Variants in UNC79 observed in about 807,000 individuals in gnomAD.
The protein encoded by UNC79 is protein unc-79 homolog.
Under a neutral mutation model 283.1 loss-of-function variants are expected in UNC79, and 37 were observed. The observed-to-expected ratio is 0.13, with a 90% CI of 0.10 to 0.17. The LOEUF is 0.17. Among genes scored for constraint, UNC79 ranks in the 10% least tolerant of loss-of-function variants. The pLI, the probability that UNC79 is intolerant of heterozygous loss-of-function variation, is 1.00. For synonymous variants in UNC79, 1,107 were observed against 1,200.2 expected (o/e 0.92, Z 1.61); for missense variants, 2,272 against 3,211.1 (o/e 0.71, Z 7.07).
At chr14:93,692,701 G>T (rs1187609778) in intron 46 of UNC79, among the ~76,000 whole-genome samples, 1 of 152,198 alleles carries the variant, frequency 6.6e-6, no homozygotes, top group Non-Finnish European at 1.5e-5. Flanking sequence ...ACCAAGAAAG[G>T]GGCTGTTCCA....
intron 4 of UNC79, among the ~76,000 whole-genome samples, chr14:93,481,858 A>G (rs2058162875): frequency 6.6e-6 from 1 of 152,208 alleles, no homozygotes; most frequent in African/African-American, 2.4e-5. Flanking sequence ...TTCCCTATAT[A>G]CTTTGAGAGT....
intron 26 of UNC79, among the ~76,000 whole-genome samples, chr14:93,606,044 C>T (rs978746924): frequency 2.0e-5 from 3 of 152,104 alleles, no homozygotes; most frequent in African/African-American, 2.4e-5. Flanking sequence ...TGCAGTTCCC[C>T]TTCAGTGAGG....
At chr14:93,558,983 G>C (rs1191157370) in intron 14 of UNC79, among the ~76,000 whole-genome samples, 1 of 152,156 alleles carries the variant, frequency 6.6e-6, no homozygotes, top group Non-Finnish European at 1.5e-5. Flanking sequence ...CTGGACCCAT[G>C]TGCTGCCAAT....
intron 1 of UNC79, among the ~76,000 whole-genome samples, chr14:93,463,217 A>G (rs1307227931): frequency 6.6e-6 from 1 of 152,156 alleles, no homozygotes; most frequent in Non-Finnish European, 1.5e-5. Context: ...ACTGTACAGA[A>G]TGCTCTGAAA....
intron 35 of UNC79, among the ~76,000 whole-genome samples, chr14:93,652,194 A>G (rs1200166371): frequency 6.6e-6 from 1 of 152,162 alleles, no homozygotes; most frequent in Non-Finnish European, 1.5e-5. Context: ...TAATCGCAGT[A>G]GCTATAGGTT....
chr14:93,439,776 T>C (rs959635985), intron 1 of UNC79, among the ~76,000 whole-genome samples: 41 of 152,306 alleles, frequency 2.7e-4, no homozygotes, highest in African/African-American at 9.6e-4. Context: ...ATTTGTTGTA[T>C]GACACTTGTT....
At chr14:93,573,444 C>T (rs944731046) in intron 16 of UNC79, among the ~76,000 whole-genome samples, 1 of 152,134 alleles carries the variant, frequency 6.6e-6, no homozygotes, top group Admixed American at 6.5e-5. Flanking sequence ...CCTCTTCATC[C>T]TCTCCTCCTA....
chr14:93,651,912 ATTTTTTTTTTTTTTTT>A (rs71129653), intron 35 of UNC79, among the ~76,000 whole-genome samples: 1 of 46,602 alleles, frequency 2.1e-5, no homozygotes, highest in Non-Finnish European at 4.1e-5. Context: ...CTAATTTTGT[ATTTTTTTTTTTTTTTT>A]TTTTTTTTTT....
At chr14:93,676,090 T>G (rs893595448) in intron 41 of UNC79, among the ~76,000 whole-genome samples, 1 of 152,196 alleles carries the variant, frequency 6.6e-6, no homozygotes, top group Non-Finnish European at 1.5e-5. Context: ...AAGATGTTGC[T>G]CTGTCACCCA....
chr14:93,446,516 C>T (rs1460236858), intron 1 of UNC79, among the ~76,000 whole-genome samples: 1 of 152,002 alleles, frequency 6.6e-6, no homozygotes, highest in Non-Finnish European at 1.5e-5. Flanking sequence ...TTGCCTCAGC[C>T]TCCTGAATAG....
chr14:93,644,922 A>G (rs1024757390), intron 34 of UNC79, among the ~76,000 whole-genome samples: 2 of 152,184 alleles, frequency 1.3e-5, no homozygotes, highest in African/African-American at 4.8e-5. Flanking sequence ...AAAATAGCCC[A>G]TGTGCCAAGT....
intron 41 of UNC79, among the ~76,000 whole-genome samples, chr14:93,674,422 A>C (rs961333386): frequency 6.6e-6 from 1 of 152,158 alleles, no homozygotes; most frequent in Non-Finnish European, 1.5e-5. Flanking sequence ...GTGCCAGAGG[A>C]ATCAGCAGGG....
intron 47 of UNC79, 128 bp from the exon 51 acceptor site, chr14:93,704,497 G>A: frequency 9.3e-7 from 1 of 1,078,406 alleles, no homozygotes; most frequent in Non-Finnish European, 1.4e-6. Flanking sequence ...GGGTAGCCCT[G>A]CAGCAGGGCC....
intron 1 of UNC79, among the ~76,000 whole-genome samples, chr14:93,377,080 A>G (rs557403424): frequency 4.3e-4 from 63 of 145,592 alleles, no homozygotes; most frequent in Non-Finnish European, 8.0e-4. Context: ...AAGAAGTGCA[A>G]TGAGAATAGT....
chr14:93,440,725 G>T (rs2056270481), intron 1 of UNC79, among the ~76,000 whole-genome samples: 2 of 151,890 alleles, frequency 1.3e-5, no homozygotes, highest in Middle Eastern at 3.4e-3. Context: ...ATTTCCATGT[G>T]GAAGGGCATT....
intron 27 of UNC79, among the ~76,000 whole-genome samples, chr14:93,613,922 T>C (rs948780693): frequency 6.6e-6 from 1 of 152,162 alleles, no homozygotes; most frequent in Non-Finnish European, 1.5e-5. Context: ...ACAGCTAAAT[T>C]TGGAGCTACG....
At chr14:93,416,328 G>T (rs1385106955) in intron 1 of UNC79, among the ~76,000 whole-genome samples, 1 of 147,622 alleles carries the variant, frequency 6.8e-6, no homozygotes, top group Non-Finnish European at 1.5e-5. Flanking sequence ...TAGTTGAGCA[G>T]TTTTGAGTGA....
At chr14:93,670,413 G>A (rs541471605) in intron 40 of UNC79, among the ~76,000 whole-genome samples, 1 of 152,236 alleles carries the variant, frequency 6.6e-6, no homozygotes, top group South Asian at 2.1e-4. Context: ...TCCTCTTTGG[G>A]CTCAATTAAT....
At chr14:93,374,397 C>T (rs2054513948) in intron 1 of UNC79, among the ~76,000 whole-genome samples, 1 of 152,200 alleles carries the variant, frequency 6.6e-6, no homozygotes, top group African/African-American at 2.4e-5. Flanking sequence ...AATTATTCTT[C>T]AGCTTTAAGG....
Sources: gnomAD v4.1 joint callset for allele counts (sites outside exome capture counted in the v4.1 genomes callset) on GRCh38, gnomAD v4.1.1 for gene constraint, MANE v1.5 for transcripts, NCBI Gene and HGNC (gene_info 2026-07-23, HGNC 2026-07-21) for gene names.